The following ROBO2 variants were observed in gnomAD, a reference collection of about 807,000 sequenced individuals.
ROBO2 encodes the protein roundabout homolog 2.
Under a neutral mutation model 160.8 loss-of-function variants are expected in ROBO2, and 53 were observed. That is an observed-to-expected ratio of 0.33 (90% CI 0.26 to 0.41). ROBO2 has a LOEUF of 0.41. Ranked by LOEUF, ROBO2 falls within the 10% of genes least tolerant of loss-of-function variation. The probability of loss-of-function intolerance (pLI) is 1.00; values close to 1 mark genes in which losing one functional copy is unlikely to be tolerated. For synonymous variants in ROBO2, 664 were observed against 611.7 expected, an observed-to-expected ratio of 1.09 and a Z score of -1.26; for missense variants, 1,577 against 1,722.4, an observed-to-expected ratio of 0.92 and a Z score of 1.49.
chr3:76,621,567 C>T (rs1346785362), intron 2 of ROBO2, among the ~76,000 whole-genome samples: 1 of 152,142 alleles, frequency 6.6e-6, no homozygotes, highest in Non-Finnish European at 1.5e-5. Flanking sequence ...AGTGTGAAAA[C>T]TTGGACAAAT....
At chr3:77,477,957 G>C (rs964783482) in intron 3 of ROBO2, among the ~76,000 whole-genome samples, 3 of 148,222 alleles carry the variant, frequency 2.0e-5, no homozygotes, top group African/African-American at 7.5e-5. Flanking sequence ...TTCCCAAGTA[G>C]CTGGGACTAC....
rs140138434 is a variant in ROBO2 at position 77,218,211 on chromosome 3, C to T, written c.388+119871C>T. 2.3e-3 allele frequency among the ~76,000 whole-genome samples: 343 copies of T among 152,180 alleles called. 1 individual carries two copies. Among genetic ancestry groups the T allele is most frequent in the Middle Eastern group, 3.4e-3 (1 of 294 alleles). ...TGGACTGGGTATTAAAAAGCAAATT[C>T]TTCAAACTCTGTACTTCCACCATGC... On this transcript the variant is annotated intron_variant, in intron 2 of 25. Coordinates refer to ENST00000461745, the Ensembl canonical transcript of ROBO2.
intron 2 of ROBO2, among the ~76,000 whole-genome samples, chr3:77,204,894 A>G (rs1245341670): frequency 6.6e-6 from 1 of 152,212 alleles, no homozygotes; most frequent in African/African-American, 2.4e-5. Flanking sequence ...GCGACAGTCC[A>G]CTGATTCCCC....
intron 2 of ROBO2, among the ~76,000 whole-genome samples, chr3:76,056,229 T>C (rs999821868): frequency 3.9e-5 from 6 of 152,126 alleles, no homozygotes; most frequent in Non-Finnish European, 7.4e-5. Flanking sequence ...TATGACACCA[T>C]TTTATGTAAA....
Position 77,646,046 on chromosome 3 carries a change from T to C in ROBO2, c.4136-8T>C, listed in dbSNP as rs761793255. On this transcript the variant is annotated splice_polypyrimidine_tract_variant and splice_region_variant and intron_variant, in intron 25 of 25. Coordinates refer to ENST00000461745, the Ensembl canonical transcript of ROBO2. ...ATATTTTATTTCTACTTTTTTCTCT[T>C]TCTTTAGAGTAAATGAGAGGAGACA... 6.3e-7 allele frequency: 1 copy of C among 1,589,038 alleles called. No homozygotes were observed. The highest frequency in any genetic ancestry group is 8.6e-7 in the Non-Finnish European group (1 of 1,162,004).
intron 2 of ROBO2, among the ~76,000 whole-genome samples, chr3:77,397,548 A>G (rs2153507050): frequency 1.3e-5 from 2 of 152,240 alleles, no homozygotes; most frequent in East Asian, 3.9e-4. Flanking sequence ...TACTTTCATT[A>G]AAAGATCCTC....
At chr3:76,559,115 C>T (rs776142903) in intron 2 of ROBO2, among the ~76,000 whole-genome samples, 11 of 152,116 alleles carry the variant, frequency 7.2e-5, no homozygotes, top group Non-Finnish European at 1.5e-4. Flanking sequence ...AACTCTTCCT[C>T]TCCTCCCACC....
At chr3:76,054,572 C>T (rs574551807) in intron 2 of ROBO2, among the ~76,000 whole-genome samples, 2 of 152,250 alleles carry the variant, frequency 1.3e-5, no homozygotes, top group East Asian at 3.9e-4. Flanking sequence ...CATGTTGTCA[C>T]TTATAAGTAG....
rs113392034 is a variant in ROBO2, at chr3:77,628,826, C to T, written c.3761-6044C>T. ...CTAACGTGAGACACTTCCCTCTCTTCAGATTGGGTCATGAGATTTCCTGTT... is the reference window on the plus strand; with the variant it reads ...CTAACGTGAGACACTTCCCTCTCTTTAGATTGGGTCATGAGATTTCCTGTT... On this transcript the variant is annotated intron_variant, in intron 23 of 25. Transcript: ENST00000461745. 2.2e-3 allele frequency among the ~76,000 whole-genome samples: 338 copies of T among 152,268 alleles called. 2 individuals carry two copies. The highest frequency in any genetic ancestry group is 7.8e-3 in the African/African-American group (324 of 41,568).
chr3:76,515,848 TG>T (rs1268643361), intron 2 of ROBO2, among the ~76,000 whole-genome samples: 4 of 152,178 alleles, frequency 2.6e-5, no homozygotes, highest in Non-Finnish European at 4.4e-5. Flanking sequence ...AAACCTAAAC[TG>T]TTTTCAAAGG....
intron 2 of ROBO2, among the ~76,000 whole-genome samples, chr3:77,289,961 A>C: frequency 6.6e-6 from 1 of 152,164 alleles, no homozygotes; most frequent in African/African-American, 2.4e-5. Flanking sequence ...AGATCACCCC[A>C]GACATTAAGT....
chr3:76,397,024 T>G (rs1013280928), intron 2 of ROBO2, among the ~76,000 whole-genome samples: 1 of 152,166 alleles, frequency 6.6e-6, no homozygotes. Context: ...AAGTCAATCC[T>G]AAGCCAAAAG....
At chr3:77,300,672 ACT>A (rs1269068220) in intron 2 of ROBO2, among the ~76,000 whole-genome samples, 3 of 151,816 alleles carry the variant, frequency 2.0e-5, no homozygotes, top group Non-Finnish European at 4.4e-5. Context: ...TTTTAAATAA[ACT>A]CTATGACTTT....
At chr3:77,001,233 A>G (rs912453603) in intron 2 of ROBO2, among the ~76,000 whole-genome samples, 3 of 152,210 alleles carry the variant, frequency 2.0e-5, no homozygotes, top group African/African-American at 7.2e-5. Context: ...CGCATTTTCA[A>G]GGAGAAATCC....
chr3:76,857,088 C>A (rs371513581), intron 2 of ROBO2, among the ~76,000 whole-genome samples: 1 of 151,978 alleles, frequency 6.6e-6, no homozygotes, highest in African/African-American at 2.4e-5. Flanking sequence ...CGGGTTCAAG[C>A]GATTCTCGTG....
rs184773994 is a variant in ROBO2, at chr3:76,439,516, C to T, written c.109+501914C>T. On this transcript the variant is annotated intron_variant, in intron 2 of 26. Coordinates refer to the ROBO2 transcript ENST00000487694. ...ATGGACTATGAGAAGTAGAAGATGA[C>T]GATGAATCAAAAAGCTAAACGATCT... 1.2e-4 allele frequency among the ~76,000 whole-genome samples: 19 copies of T among 152,144 alleles called. No individual in the cohort carries two copies. The East Asian group carries it at 1.9e-3, about 15-fold the overall frequency.
At chr3:75,943,524 A>G (rs966960169) in intron 2 of ROBO2, among the ~76,000 whole-genome samples, 1 of 152,190 alleles carries the variant, frequency 6.6e-6, no homozygotes, top group African/African-American at 2.4e-5. Context: ...GTGGAATTCA[A>G]CATGAAGAAT....
chr3:77,193,295 A>C (rs2082030815), intron 2 of ROBO2, among the ~76,000 whole-genome samples: 1 of 151,646 alleles, frequency 6.6e-6, no homozygotes. Flanking sequence ...AAAAATTTAG[A>C]GATAAGGTCT....
intron 2 of ROBO2, among the ~76,000 whole-genome samples, chr3:76,342,286 A>T (rs1289937831): frequency 1.3e-5 from 2 of 152,162 alleles, no homozygotes; most frequent in African/African-American, 2.4e-5. Flanking sequence ...TCATGATTTC[A>T]TGGATCCTCA....
Sources: gnomAD v4.1 joint callset for allele counts (sites outside exome capture counted in the v4.1 genomes callset) on GRCh38, gnomAD v4.1.1 for gene constraint, MANE v1.5 for transcripts, NCBI Gene and HGNC (gene_info 2026-07-23, HGNC 2026-07-21) for gene names.